Variants in LRRIQ1 observed in about 807,000 individuals in gnomAD.
LRRIQ1 encodes leucine-rich repeat- and IQ domain-containing protein 1.
A neutral mutation model predicts 211.9 loss-of-function variants in LRRIQ1; 210 were observed. The ratio of observed to expected loss-of-function variants is 0.99; its 90% CI spans 0.89 to 1.11. LRRIQ1 has a LOEUF of 1.11. Ranked by LOEUF, LRRIQ1 falls within the 50% of genes most tolerant of loss-of-function variation. The probability of loss-of-function intolerance (pLI) is 0.00; values close to 1 mark genes in which losing one functional copy is unlikely to be tolerated. For missense variants in LRRIQ1, 2,136 were observed against 1,939.5 expected (o/e 1.10, Z -1.90); for synonymous variants, 699 against 650.1 (o/e 1.08, Z -1.14).
intron 13 of LRRIQ1, among the ~76,000 whole-genome samples, chr12:85,102,944 C>CA (rs761217598): frequency 0.015 from 1,353 of 87,586 alleles, 11 homozygotes; most frequent in South Asian, 0.019. Flanking sequence ...CTAATTGTGG[C>CA]AAAAAAAAAA....
At chr12:85,228,976 C>T (rs1247455920) in intron 24 of LRRIQ1, among the ~76,000 whole-genome samples, 12 of 152,084 alleles carry the variant, frequency 7.9e-5, no homozygotes, top group Admixed American at 6.6e-5. Context: ...TCTAAAAGAT[C>T]AAGTCCATGG....
Position 85,098,476 on chromosome 12 carries a change from T to A in LRRIQ1, c.3009T>A (p.Leu1003=), listed in dbSNP as rs752284463. 1.9e-6 allele frequency: 3 copies of A among 1,612,228 alleles called. No homozygotes were observed. In the South Asian group the frequency reaches 3.3e-5, roughly 18 times the overall value. ...IVYLDCSHNH[L]TDVEGVENCG... ...ACCTAGATTGCTCCCATAATCATCT[T>A]ACTGATGTAGAGGGCGTTGAAAATT... is the stretch of plus-strand genomic sequence containing the variant. The change falls in exon 12 of 27, where the codon CTT becomes CTA. Residue 1003 remains leucine, a synonymous_variant. Transcript: ENST00000393217.
intron 24 of LRRIQ1, among the ~76,000 whole-genome samples, chr12:85,195,077 A>C (rs1312258834): frequency 6.6e-6 from 1 of 152,204 alleles, no homozygotes; most frequent in Non-Finnish European, 1.5e-5. Flanking sequence ...ATCTAGAAGA[A>C]ATGGAAAAAT....
downstream of LRRIQ1, among the ~76,000 whole-genome samples, chr12:85,268,467 T>C (rs997857955): frequency 5.9e-5 from 9 of 152,010 alleles, no homozygotes; most frequent in African/African-American, 2.2e-4. Flanking sequence ...GGATGCCAGA[T>C]AATTGATTAG....
intron 26 of LRRIQ1, among the ~76,000 whole-genome samples, chr12:85,243,785 G>A (rs181440624): frequency 4.0e-5 from 6 of 151,706 alleles, no homozygotes; most frequent in Non-Finnish European, 7.4e-5. Flanking sequence ...AGGTGGGAGG[G>A]GGATGTAAAG....
At position 85,120,826 on chromosome 12, in the gene LRRIQ1, C is replaced by CTGTA. The variant is rs1251150523; in HGVS notation, c.3378-870_3378-869insGTAT. ...TATCAGCAGCCTGGTGAAAAGAGACCTACACTCTCTCCTTGAGAAGGGTTT... is the reference window on the plus strand; with the variant it reads ...TATCAGCAGCCTGGTGAAAAGAGACCTGTATACACTCTCTCCTTGAGAAGGGTTT... On this transcript the variant is annotated intron_variant, in intron 15 of 26. Transcript: ENST00000393217. 2.0e-5 allele frequency among the ~76,000 whole-genome samples: 3 copies of CTGTA among 152,306 alleles called. No individual in the cohort carries two copies. The East Asian group carries it at 5.8e-4, about 29-fold the overall frequency.
intron 1 of LRRIQ1, among the ~76,000 whole-genome samples, chr12:85,250,919 T>A (rs1375716058): frequency 1.3e-5 from 1 of 78,452 alleles, no homozygotes; most frequent in Non-Finnish European, 2.0e-5. Flanking sequence ...TAATATATTT[T>A]ATATATTATA....
chr12:85,175,986 C>T lies in LRRIQ1; in HGVS notation c.4822+15272C>T, dbSNP rs193186883. On this transcript the variant is annotated intron_variant, in intron 24 of 26. Transcript: ENST00000393217. ...TTGGCTTAGGATTGACTTGGCGGTGCGGGCTCTTTTTTGATTCCATATGAA... is the reference window on the plus strand; with the variant it reads ...TTGGCTTAGGATTGACTTGGCGGTGTGGGCTCTTTTTTGATTCCATATGAA... Among the ~76,000 whole-genome samples, 650 of 152,120 alleles carry T rather than the reference C, an allele frequency of 4.3e-3. 5 individuals carry two copies. Among genetic ancestry groups the T allele is most frequent in the African/African-American group, 0.015 (611 of 41,506 alleles).
chr12:85,051,407 A>AT (rs1019644413), intron 6 of LRRIQ1, among the ~76,000 whole-genome samples: 3 of 152,056 alleles, frequency 2.0e-5, no homozygotes, highest in Non-Finnish European at 2.9e-5. Context: ...CACTGATCTC[A>AT]TTGTCTCCTT....
intron 24 of LRRIQ1, among the ~76,000 whole-genome samples, chr12:85,198,573 A>AT (rs33992762): frequency 0.31 from 46,133 of 146,976 alleles, 7,462 homozygotes; most frequent in African/African-American, 0.4. Flanking sequence ...CATGTTAAGC[A>AT]TTTTTTTTTT....
chr12:85,139,260 CA>C (rs1364544225), intron 19 of LRRIQ1, among the ~76,000 whole-genome samples: 2 of 151,360 alleles, frequency 1.3e-5, no homozygotes, highest in Non-Finnish European at 3.0e-5. Flanking sequence ...TGCTATGTAA[CA>C]AAAAGGGCAT....
chr12:85,216,042 T>C (rs1894062582), intron 24 of LRRIQ1, among the ~76,000 whole-genome samples: 1 of 152,210 alleles, frequency 6.6e-6, no homozygotes, highest in Admixed American at 6.5e-5. Context: ...GTAATTTTGC[T>C]TTAAGTTCTG....
At chr12:85,127,428 G>A (rs2136466236) in intron 17 of LRRIQ1, among the ~76,000 whole-genome samples, 1 of 152,240 alleles carries the variant, frequency 6.6e-6, no homozygotes, top group Middle Eastern at 3.4e-3. Flanking sequence ...TACATTCGAA[G>A]GTAATTTCTC....
intron 24 of LRRIQ1, among the ~76,000 whole-genome samples, chr12:85,177,368 A>C (rs1891759367): frequency 6.6e-6 from 1 of 152,124 alleles, no homozygotes; most frequent in South Asian, 2.1e-4. Context: ...TAAGTGTATA[A>C]CACAAATGAG....
At position 85,098,887 on chromosome 12, in the gene LRRIQ1, T is replaced by G; in HGVS notation, c.3102T>G (p.Leu1034=). The G allele has an allele frequency of 6.4e-7, 1 of 1,558,732 alleles. No homozygotes were observed. Among genetic ancestry groups the G allele is most frequent in the Non-Finnish European group, 8.7e-7 (1 of 1,151,868 alleles). Residue 1034 remains leucine, a synonymous_variant, in exon 13 of 27, where the codon CTT becomes CTG. Coordinates refer to ENST00000393217, the MANE Select transcript of LRRIQ1 (RefSeq NM_001079910.2). ...TATAGCTTCCATCCTTGGAGAATCT[T>G]GTTTTACTAAGAGAATTGCACTTGG... The part of the protein sequence containing the change: ...YLSELPSLEN[L]VLLRELHLDD...
intron 6 of LRRIQ1, chr12:85,048,255 G>A (rs1879873334): frequency 6.6e-6 from 1 of 152,156 alleles, no homozygotes; most frequent in African/African-American, 2.4e-5. Flanking sequence ...TTTCTTGACT[G>A]TGTAGAAAAT....
At chr12:85,131,149 G>T (rs1888728728) in intron 18 of LRRIQ1, among the ~76,000 whole-genome samples, 1 of 150,268 alleles carries the variant, frequency 6.7e-6, no homozygotes, top group Non-Finnish European at 1.5e-5. Flanking sequence ...GGGGAAGGAG[G>T]TTGCAGTGAG....
At chr12:85,244,284 T>C (rs1895611978) in intron 26 of LRRIQ1, among the ~76,000 whole-genome samples, 1 of 151,480 alleles carries the variant, frequency 6.6e-6, no homozygotes, top group Non-Finnish European at 1.5e-5. Flanking sequence ...TTTATATTGA[T>C]AATGGCTTTA....
intron 10 of LRRIQ1, among the ~76,000 whole-genome samples, chr12:85,069,442 T>G (rs1264708607): frequency 6.6e-6 from 1 of 152,112 alleles, no homozygotes; most frequent in African/African-American, 2.4e-5. Flanking sequence ...TTATAATCCT[T>G]TGGGTATATT....
Sources: gnomAD v4.1 joint callset for allele counts (sites outside exome capture counted in the v4.1 genomes callset) on GRCh38, gnomAD v4.1.1 for gene constraint, MANE v1.5 for transcripts, NCBI Gene and HGNC (gene_info 2026-07-23, HGNC 2026-07-21) for gene names.